DNAJC3: variants seen among roughly 807,000 people sequenced by gnomAD.
DNAJC3 encodes DnaJ heat shock protein family (Hsp40) member C3, also known as dnaJ homolog subfamily C member 3.
DNAJC3 carries 38 observed loss-of-function variants against 68.6 expected under a neutral mutation model. The observed-to-expected ratio is 0.55, with a 90% CI of 0.43 to 0.73. DNAJC3 has a LOEUF of 0.73. DNAJC3 is among the 30% of genes least tolerant of loss of function. The pLI is 0.00. For synonymous variants in DNAJC3, 203 were observed against 204.0 expected, an observed-to-expected ratio of 1.00 and a Z score of 0.04; for missense variants, 526 against 591.9, an observed-to-expected ratio of 0.89 and a Z score of 1.16.
chr13:95,724,948 A>G (rs537645266), intron 3 of DNAJC3, among the ~76,000 whole-genome samples: 2 of 152,300 alleles, frequency 1.3e-5, no homozygotes, highest in African/African-American at 4.8e-5. Flanking sequence ...TTGTGTGGAC[A>G]TGTTTTCAGT....
intron 9 of DNAJC3, among the ~76,000 whole-genome samples, chr13:95,766,042 G>A (rs949568951): frequency 6.6e-6 from 1 of 152,134 alleles, no homozygotes; most frequent in Admixed American, 6.5e-5. Flanking sequence ...GGAATCAGAG[G>A]TTTAGTATAA....
At chr13:95,741,547 C>T (rs918941990) in intron 4 of DNAJC3, among the ~76,000 whole-genome samples, 12 of 152,118 alleles carry the variant, frequency 7.9e-5, no homozygotes, top group South Asian at 2.1e-4. Context: ...CTTGGGCTTC[C>T]GGGTGGCCTA....
At chr13:95,762,821 A>G (rs1158990538) in intron 7 of DNAJC3, among the ~76,000 whole-genome samples, 1 of 151,984 alleles carries the variant, frequency 6.6e-6, no homozygotes, top group Non-Finnish European at 1.5e-5. Context: ...CCCTGTGTCC[A>G]TGTGTTCTCA....
chr13:95,695,604 C>G (rs1028927097), intron 1 of DNAJC3: 2 of 152,218 alleles, frequency 1.3e-5, no homozygotes, highest in Admixed American at 6.5e-5. Context: ...AGTTGAACAT[C>G]CTTTTGTTAC....
intron 1 of DNAJC3, among the ~76,000 whole-genome samples, chr13:95,677,891 G>A (rs892729651): frequency 1.8e-4 from 27 of 152,076 alleles, no homozygotes; most frequent in Admixed American, 4.6e-4. Context: ...TTGTTAGTTT[G>A]GTGCAATGAG....
chr13:95,735,768 G>C (rs1388341259), intron 4 of DNAJC3, among the ~76,000 whole-genome samples: 1 of 151,876 alleles, frequency 6.6e-6, no homozygotes, highest in Non-Finnish European at 1.5e-5. Context: ...CCATTTTGTA[G>C]GTTGCCTGTT....
At chr13:95,761,592 A>G (rs1006576323) in intron 7 of DNAJC3, among the ~76,000 whole-genome samples, 4 of 152,224 alleles carry the variant, frequency 2.6e-5, no homozygotes, top group Non-Finnish European at 4.4e-5. Context: ...GTCAAGATAC[A>G]GAATAATTCC....
At chr13:95,702,820 AAGAAATTCT>A (rs1055980755) in intron 1 of DNAJC3, among the ~76,000 whole-genome samples, 7 of 152,342 alleles carry the variant, frequency 4.6e-5, no homozygotes, top group African/African-American at 1.4e-4. Flanking sequence ...CCTTGCAGGG[AAGAAATTCT>A]TACCCATACC....
At chr13:95,723,197 AT>A in intron 2 of DNAJC3, 44 bp from the exon 3 acceptor site, 1 of 1,520,046 alleles carries the variant, frequency 6.6e-7, no homozygotes, top group Non-Finnish European at 8.9e-7. Context: ...TTAAATTTTT[AT>A]TTTTGAATAA....
At chr13:95,728,038 C>T (rs569261283) in intron 4 of DNAJC3, among the ~76,000 whole-genome samples, 134 of 152,286 alleles carry the variant, frequency 8.8e-4, no homozygotes, top group South Asian at 5.6e-3. Context: ...ACTCTTTTTA[C>T]TCAGTGTAAT....
chr13:95,763,483 T>C (rs983659370), intron 7 of DNAJC3, among the ~76,000 whole-genome samples, 160 bp from the exon 8 acceptor site: 8 of 152,190 alleles, frequency 5.3e-5, no homozygotes, highest in Admixed American at 5.2e-4. Flanking sequence ...GAGTGTACCT[T>C]CTATGGGACT....
intron 4 of DNAJC3, among the ~76,000 whole-genome samples, chr13:95,749,270 C>T (rs541594635): frequency 1.3e-5 from 2 of 152,016 alleles, no homozygotes; most frequent in Non-Finnish European, 2.9e-5. Flanking sequence ...CCAAAAATGC[C>T]CATAACACAA....
At chr13:95,707,889 T>G (rs1300987519) in intron 1 of DNAJC3, among the ~76,000 whole-genome samples, 2 of 152,168 alleles carry the variant, frequency 1.3e-5, no homozygotes, top group African/African-American at 4.8e-5. Context: ...GTGTGGCTGG[T>G]CCATAGTAAT....
At position 95,763,714 on chromosome 13, in the gene DNAJC3, G is replaced by C; in HGVS notation, c.920G>C (p.Arg307Pro). Residue 307 changes from arginine (R) to proline (P), a missense_variant, in exon 8 of 12, where the codon CGT becomes CCT. Physicochemically the swap from Arg to Pro is moderately radical, Grantham distance 103. Coordinates refer to ENST00000602402, the MANE Select transcript of DNAJC3 (RefSeq NM_006260.5). Reference protein sequence around the residue: ...TEPSIAEYTVRSKERICHCFS... With the variant: ...TEPSIAEYTVPSKERICHCFS... Reference sequence around the variant, plus strand: ...CCAAGCATTGCTGAATATACAGTTCGTTCAAAGGAGAGGATTTGCCACTGC... The same window carrying C: ...CCAAGCATTGCTGAATATACAGTTCCTTCAAAGGAGAGGATTTGCCACTGC... 1.9e-6 allele frequency: 3 copies of C among 1,614,008 alleles called. No individual in the cohort carries two copies. The highest frequency in any genetic ancestry group is 2.5e-6 in the Non-Finnish European group (3 of 1,179,898).
intron 4 of DNAJC3, among the ~76,000 whole-genome samples, chr13:95,726,538 C>A (rs1212871639): frequency 1.3e-5 from 2 of 152,112 alleles, no homozygotes; most frequent in Non-Finnish European, 2.9e-5. Context: ...GAAACACATT[C>A]TTAAAAGGGA....
intron 4 of DNAJC3, chr13:95,745,777 A>G (rs1454207177): frequency 6.6e-6 from 1 of 152,202 alleles, no homozygotes; most frequent in Non-Finnish European, 1.5e-5. Context: ...TCTTTGAAGA[A>G]TGCTTGTTAT....
chr13:95,736,105 C>T (rs1463450213), intron 4 of DNAJC3, among the ~76,000 whole-genome samples: 2 of 152,086 alleles, frequency 1.3e-5, no homozygotes, highest in African/African-American at 2.4e-5. Flanking sequence ...TTGTTTTTCT[C>T]AGGTTTGTCA....
chr13:95,731,579 G>A (rs1358939370), intron 4 of DNAJC3, among the ~76,000 whole-genome samples: 7 of 152,124 alleles, frequency 4.6e-5, no homozygotes, highest in African/African-American at 1.4e-4. Context: ...CCCTTTGTTT[G>A]TCCATGTGAT....
intron 1 of DNAJC3, among the ~76,000 whole-genome samples, chr13:95,688,482 A>G (rs1880125920): frequency 6.7e-6 from 1 of 150,118 alleles, no homozygotes; most frequent in Admixed American, 6.6e-5. Flanking sequence ...TTTTTATCAT[A>G]CAGGGGTGTT....
Sources: gnomAD v4.1 joint callset for allele counts (sites outside exome capture counted in the v4.1 genomes callset) on GRCh38, gnomAD v4.1.1 for gene constraint, MANE v1.5 for transcripts, NCBI Gene and HGNC (gene_info 2026-07-23, HGNC 2026-07-21) for gene names.